KAT2B: variants seen among roughly 807,000 people sequenced by gnomAD.
The protein encoded by KAT2B is histone acetyltransferase KAT2B.
KAT2B carries 36 observed loss-of-function variants against 105.9 expected under a neutral mutation model. The ratio of observed to expected loss-of-function variants is 0.34; its 90% CI spans 0.26 to 0.45. The LOEUF (loss-of-function observed/expected upper bound fraction) is 0.45, where lower values mean the gene tolerates loss of function less well. Among genes scored for constraint, KAT2B ranks in the 20% least tolerant of loss-of-function variants. The probability of loss-of-function intolerance (pLI) is 1.00; values close to 1 mark genes in which losing one functional copy is unlikely to be tolerated. For synonymous variants in KAT2B, 397 were observed against 377.9 expected (o/e 1.05, Z -0.59); for missense variants, 820 against 1,021.6 (o/e 0.80, Z 2.69).
At chr3:20,118,822 T>A (rs925544143) in intron 7 of KAT2B, among the ~76,000 whole-genome samples, 4 of 148,900 alleles carry the variant, frequency 2.7e-5, no homozygotes, top group Non-Finnish European at 5.9e-5. Context: ...TTATATATAT[T>A]TTTTCTCCTA....
chr3:20,146,617 A>C, intron 14 of KAT2B, 187 bp downstream of exon 14: 1 of 455,022 alleles, frequency 2.2e-6, no homozygotes, highest in Non-Finnish European at 4.0e-6. Flanking sequence ...AATACAAACA[A>C]ACCAAAGGGA....
intron 2 of KAT2B, among the ~76,000 whole-genome samples, chr3:20,093,257 C>T (rs889402151): frequency 1.3e-5 from 2 of 152,206 alleles, no homozygotes; most frequent in Non-Finnish European, 2.9e-5. Flanking sequence ...ACTAAGCCAG[C>T]TCTCACTGTG....
At chr3:20,139,128 T>G (rs1699654898) in intron 12 of KAT2B, among the ~76,000 whole-genome samples, 2 of 152,000 alleles carry the variant, frequency 1.3e-5, no homozygotes, top group Admixed American at 1.3e-4. Context: ...TTGCCTGGGC[T>G]GGTCTTGAAC....
intron 5 of KAT2B, among the ~76,000 whole-genome samples, chr3:20,106,957 A>T (rs1559316070): frequency 3.1e-5 from 2 of 65,254 alleles, no homozygotes; most frequent in African/African-American, 8.5e-5. Context: ...TCTGAATTTT[A>T]TGTGTATATA....
chr3:20,143,735 G>C (rs1699734379), intron 13 of KAT2B, among the ~76,000 whole-genome samples: 1 of 152,184 alleles, frequency 6.6e-6, no homozygotes, highest in Non-Finnish European at 1.5e-5. Context: ...CTTTGCAACA[G>C]TGTGGGTTTA....
chr3:20,069,529 C>CTT lies in KAT2B; in HGVS notation c.304-2791_304-2790dup, dbSNP rs754535544. On this transcript the variant is annotated intron_variant, in intron 1 of 17. Coordinates refer to ENST00000263754, the MANE Select transcript of KAT2B (RefSeq NM_003884.5). ...TTTTCTTTTTCTTTTCTTTTCTTTT[C>CTT]TTTTTTTTTTTTTTGAGACAGAGTC... Among the ~76,000 whole-genome samples, 31 of 81,548 alleles carry CTT rather than the reference C, an allele frequency of 3.8e-4. No individual in the cohort carries two copies. In the East Asian group the frequency reaches 7.1e-3, roughly 19 times the overall value. The allele number at this position is 81,548 out of a possible 152,430, so 53.5% of individuals were successfully genotyped here.
rs1575164393 is a variant in KAT2B at position 20,152,378 on chromosome 3, T to C, written c.2352T>C (p.Ser784=). ...SERLKNRYYV[S]KKLFMADLQR... ...GCCTCAAGAATAGGTACTACGTGTC[T>C]AAGAAATTATTCATGGCAGACTTAC... The change falls in exon 18 of 18, where the codon TCT becomes TCC. Residue 784 remains serine, a synonymous_variant. Coordinates refer to ENST00000263754, the MANE Select transcript of KAT2B (RefSeq NM_003884.5). The C allele has an allele frequency of 1.9e-6, 3 of 1,613,550 alleles. No homozygotes were observed. In the East Asian group the frequency reaches 6.7e-5, roughly 36 times the overall value.
intron 1 of KAT2B, among the ~76,000 whole-genome samples, chr3:20,071,791 C>G (rs1401783132): frequency 6.6e-6 from 1 of 152,192 alleles, no homozygotes; most frequent in South Asian, 2.1e-4. Context: ...AAGCTGGGAG[C>G]TCACAGAAGT....
chr3:20,060,729 A>G (rs1188995600), intron 1 of KAT2B, among the ~76,000 whole-genome samples: 1 of 152,164 alleles, frequency 6.6e-6, no homozygotes, highest in Non-Finnish European at 1.5e-5. Context: ...GTTTGAGACC[A>G]GCGTGAGTAA....
intron 5 of KAT2B, among the ~76,000 whole-genome samples, chr3:20,111,308 A>G (rs1699117106): frequency 6.6e-6 from 1 of 152,232 alleles, no homozygotes. Context: ...TTATGCAGCT[A>G]GTTAAGTGAC....
At chr3:20,142,879 A>G (rs1386620401) in intron 13 of KAT2B, among the ~76,000 whole-genome samples, 2 of 150,256 alleles carry the variant, frequency 1.3e-5, no homozygotes, top group Non-Finnish European at 3.0e-5. Context: ...TTGGGTATCT[A>G]TGTGCCTGTG....
chr3:20,145,642 AAAAC>A (rs140187410), intron 13 of KAT2B, among the ~76,000 whole-genome samples: 5,044 of 147,718 alleles, frequency 0.034, 216 homozygotes, highest in East Asian at 0.2. Flanking sequence ...ATTATTTTAC[AAAAC>A]AAACAAAACA....
chr3:20,074,009 C>G (rs1052899044), intron 2 of KAT2B, among the ~76,000 whole-genome samples: 25 of 152,228 alleles, frequency 1.6e-4, no homozygotes, highest in African/African-American at 5.3e-4. Flanking sequence ...CAAAAAAAGC[C>G]AACTTTGTTT....
intron 2 of KAT2B, among the ~76,000 whole-genome samples, chr3:20,092,571 T>C (rs751342912): frequency 6.6e-6 from 1 of 151,108 alleles, no homozygotes; most frequent in Non-Finnish European, 1.5e-5. Context: ...TATATATATA[T>C]TTTATATATT....
intron 8 of KAT2B, among the ~76,000 whole-genome samples, chr3:20,120,240 T>C (rs1575145345): frequency 6.6e-6 from 1 of 152,066 alleles, no homozygotes; most frequent in East Asian, 1.9e-4. Context: ...TCTTTTCTTT[T>C]TATTTGAGAC....
intron 1 of KAT2B, among the ~76,000 whole-genome samples, chr3:20,043,337 G>T (rs1413193225): frequency 6.6e-6 from 1 of 152,208 alleles, no homozygotes; most frequent in African/African-American, 2.4e-5. Flanking sequence ...TATTGTGTGT[G>T]TGCACAAGTG....
At chr3:20,119,882 T>C (rs1699277570) in intron 8 of KAT2B, among the ~76,000 whole-genome samples, 159 bp downstream of exon 8, 1 of 152,226 alleles carries the variant, frequency 6.6e-6, no homozygotes, top group Non-Finnish European at 1.5e-5. Flanking sequence ...GCTGTACTGG[T>C]TAGTTATTGC....
chr3:20,065,871 T>C (rs561870494), intron 1 of KAT2B, among the ~76,000 whole-genome samples: 1 of 152,306 alleles, frequency 6.6e-6, no homozygotes, highest in African/African-American at 2.4e-5. Flanking sequence ...AGTCCCTTTA[T>C]AGTCTAGTGC....
At chr3:20,136,564 A>G (rs1699603225) in intron 11 of KAT2B, among the ~76,000 whole-genome samples, 1 of 152,156 alleles carries the variant, frequency 6.6e-6, no homozygotes, top group Non-Finnish European at 1.5e-5. Flanking sequence ...AGATTCTCAA[A>G]TACCTTAAAG....
Sources: allele counts gnomAD v4.1 joint callset (sites outside exome capture counted in the v4.1 genomes callset), GRCh38; gene constraint gnomAD v4.1.1; transcripts MANE v1.5; gene names NCBI Gene and HGNC (gene_info 2026-07-23, HGNC 2026-07-21).